The following HSF2BP variants were observed in gnomAD, a reference collection of about 807,000 sequenced individuals.
HSF2BP encodes the protein heat shock transcription factor 2 binding protein.
HSF2BP carries 35 observed loss-of-function variants against 35.0 expected under a neutral mutation model. The ratio of observed to expected loss-of-function variants is 1.00; its 90% CI spans 0.76 to 1.32. The LOEUF is 1.32. Among genes scored for constraint, HSF2BP ranks in the 40% most tolerant of loss-of-function variants. The pLI is 0.00. For synonymous variants in HSF2BP, 114 were observed against 117.4 expected (o/e 0.97, Z 0.18); for missense variants, 326 against 321.7 (o/e 1.01, Z -0.10).
At chr21:43,651,108 C>A (rs556594417) in intron 3 of HSF2BP, among the ~76,000 whole-genome samples, 1 of 152,300 alleles carries the variant, frequency 6.6e-6, no homozygotes, top group African/African-American at 2.4e-5. Flanking sequence ...AGCTAAGCTG[C>A]TGGGCTGTGA....
intron 7 of HSF2BP, among the ~76,000 whole-genome samples, chr21:43,606,548 C>T (rs2082137775): frequency 6.6e-6 from 1 of 152,186 alleles, no homozygotes; most frequent in African/African-American, 2.4e-5. Context: ...GTTTACCAGA[C>T]AGTCCACCTG....
Position 43,630,307 on chromosome 21 carries a change from T to A in HSF2BP, c.574+15A>T. The A allele has an allele frequency of 6.2e-7, 1 of 1,602,950 alleles. No individual in the cohort carries two copies. The highest frequency in any genetic ancestry group is 8.5e-7 in the Non-Finnish European group (1 of 1,175,234). On this transcript the variant is annotated intron_variant, in intron 6 of 8. Coordinates refer to ENST00000291560, the MANE Select transcript of HSF2BP (RefSeq NM_007031.2). ...AAGCAAACAGGCAACATCTCTCAGG[T>A]GCGCCTGCACTTACTCGTGACAATT...
intron 6 of HSF2BP, among the ~76,000 whole-genome samples, chr21:43,624,408 G>A (rs2082365714): frequency 6.6e-6 from 1 of 152,140 alleles, no homozygotes; most frequent in Admixed American, 6.5e-5. Flanking sequence ...AAAAACCGAA[G>A]GTCATATATT....
At chr21:43,581,711 A>G (rs1279636963) in intron 8 of HSF2BP, among the ~76,000 whole-genome samples, 1 of 152,230 alleles carries the variant, frequency 6.6e-6, no homozygotes, top group Admixed American at 6.5e-5. Flanking sequence ...GAGAAAGACT[A>G]TGGCCCAGCT....
At chr21:43,610,539 G>A (rs2082191360) in intron 7 of HSF2BP, among the ~76,000 whole-genome samples, 2 of 152,008 alleles carry the variant, frequency 1.3e-5, no homozygotes, top group South Asian at 2.1e-4. Context: ...CCCAGAGGTC[G>A]CGGCTGCAGT....
intron 7 of HSF2BP, among the ~76,000 whole-genome samples, chr21:43,606,535 A>T (rs1337872950): frequency 6.6e-6 from 1 of 152,144 alleles, no homozygotes; most frequent in Non-Finnish European, 1.5e-5. Flanking sequence ...GTGCTACAGC[A>T]ATGTTTACCA....
chr21:43,601,831 C>T (rs961074590), intron 7 of HSF2BP, among the ~76,000 whole-genome samples: 1 of 152,206 alleles, frequency 6.6e-6, no homozygotes, highest in Admixed American at 6.5e-5. Flanking sequence ...AAACATACTT[C>T]CTTCATTAGG....
intron 3 of HSF2BP, among the ~76,000 whole-genome samples, chr21:43,651,045 C>T (rs967392356): frequency 6.6e-6 from 1 of 152,088 alleles, no homozygotes; most frequent in Admixed American, 6.5e-5. Flanking sequence ...GAGTCTTACT[C>T]GAACCTCCCT....
intron 4 of HSF2BP, among the ~76,000 whole-genome samples, chr21:43,641,985 G>A (rs569511879): frequency 6.6e-6 from 1 of 151,060 alleles, no homozygotes; most frequent in East Asian, 2.0e-4. Flanking sequence ...ATTCTTTCCT[G>A]GGTCCTCAAT....
rs1016511656 is a variant in HSF2BP at position 43,597,043 on chromosome 21, G to T, written c.693-4715C>A. ...CCACAGAGTCCAGGGTCACCAGGGTGGAAAGAAAGGGAAGAAGATACCTAG... is the reference window on the plus strand; with the variant it reads ...CCACAGAGTCCAGGGTCACCAGGGTTGAAAGAAAGGGAAGAAGATACCTAG... On this transcript the variant is annotated intron_variant, in intron 7 of 8. Transcript: ENST00000291560. The surrounding 1 kb of genome is among the most constrained non-coding windows in gnomAD (Gnocchi z 4.3). 2.0e-5 allele frequency among the ~76,000 whole-genome samples: 3 copies of T among 152,080 alleles called. No individual in the cohort carries two copies. In the South Asian group the frequency reaches 6.2e-4, roughly 31 times the overall value.
chr21:43,651,997 A>G (rs1445948776), intron 3 of HSF2BP, among the ~76,000 whole-genome samples: 2 of 152,264 alleles, frequency 1.3e-5, no homozygotes, highest in Non-Finnish European at 2.9e-5. Flanking sequence ...GTTACTGTAT[A>G]GCCCAAGCCC....
At position 43,604,064 on chromosome 21, in the gene HSF2BP, G is replaced by C. The variant is rs553616881; in HGVS notation, c.692+9766C>G. 3.9e-5 allele frequency among the ~76,000 whole-genome samples: 6 copies of C among 152,168 alleles called. No homozygotes were observed. The East Asian group carries it at 5.8e-4, about 15-fold the overall frequency. On this transcript the variant is annotated intron_variant, in intron 7 of 8. Coordinates refer to ENST00000291560, the MANE Select transcript of HSF2BP (RefSeq NM_007031.2). ...ACGCAGGCTGGCTAGTGGTTTGAAA[G>C]GGCAGCCGTGGCCTGGGAAGACAAA...
chr21:43,605,067 CAT>C (rs2082114843), intron 7 of HSF2BP, among the ~76,000 whole-genome samples: 1 of 148,638 alleles, frequency 6.7e-6, no homozygotes, highest in South Asian at 2.2e-4. Context: ...ACACCACACA[CAT>C]CACACGTACC....
intron 6 of HSF2BP, among the ~76,000 whole-genome samples, chr21:43,628,698 A>C (rs1007497810): frequency 2.0e-5 from 3 of 152,268 alleles, no homozygotes; most frequent in Non-Finnish European, 4.4e-5. Flanking sequence ...TATTGGAAGA[A>C]GACGCCATCT....
chr21:43,589,928 A>G (rs2081905243), intron 8 of HSF2BP, among the ~76,000 whole-genome samples: 1 of 152,248 alleles, frequency 6.6e-6, no homozygotes, highest in African/African-American at 2.4e-5. Context: ...AAACTATAAA[A>G]CTACTAGGAG....
intron 4 of HSF2BP, among the ~76,000 whole-genome samples, chr21:43,636,910 A>G (rs1239030194): frequency 6.6e-6 from 1 of 151,570 alleles, no homozygotes; most frequent in Non-Finnish European, 1.5e-5. Context: ...AAAAAAAAAA[A>G]AAAAGAAATA....
chr21:43,467,999 CCACA>C, the HSF2BP span, among the ~76,000 whole-genome samples: 634 of 106,586 alleles, frequency 5.9e-3, 5 homozygotes, highest in Non-Finnish European at 9.8e-3. Context: ...CCCACACACA[CCACA>C]CACACCACAA....
the HSF2BP span, among the ~76,000 whole-genome samples, chr21:43,455,151 C>A: frequency 1.7e-4 from 5 of 29,316 alleles, 2 homozygotes; most frequent in Non-Finnish European, 3.1e-4. Flanking sequence ...TGTAACTTTC[C>A]TGCAAAACGT....
rs1042567136 is a variant in HSF2BP, at chr21:43,597,766, G to A, written c.693-5438C>T. Among the ~76,000 whole-genome samples, 2 of 152,062 alleles carry A rather than the reference G, an allele frequency of 1.3e-5. No homozygotes were observed. The highest frequency in any genetic ancestry group is 4.8e-5 in the African/African-American group (2 of 41,380). On this transcript the variant is annotated intron_variant, in intron 7 of 8. Coordinates refer to ENST00000291560, the MANE Select transcript of HSF2BP (RefSeq NM_007031.2). This position sits in a 1 kb window ranked among gnomAD's most constrained non-coding sequence, Gnocchi z 4.3. Reference sequence around the variant, plus strand: ...TCTCGGCCTCAGGCAATTTTCCCACGTCGGCCTCCCAAAGTGCTGGGATTA... The same window carrying A: ...TCTCGGCCTCAGGCAATTTTCCCACATCGGCCTCCCAAAGTGCTGGGATTA...
Sources: allele counts gnomAD v4.1 joint callset (sites outside exome capture counted in the v4.1 genomes callset), GRCh38; gene constraint gnomAD v4.1.1; non-coding constraint Gnocchi (gnomAD v3.1); transcripts MANE v1.5; gene names NCBI Gene and HGNC (gene_info 2026-07-23, HGNC 2026-07-21).